Variants in ZCCHC2 observed in about 807,000 individuals in gnomAD.
ZCCHC2 encodes zinc finger CCHC domain-containing protein 2.
A neutral mutation model predicts 103.6 loss-of-function variants in ZCCHC2; 39 were observed. That is an observed-to-expected ratio of 0.38 (90% CI 0.29 to 0.49). ZCCHC2 has a LOEUF of 0.49. Ranked by LOEUF, ZCCHC2 falls within the 20% of genes least tolerant of loss-of-function variation. ZCCHC2 has a pLI of 0.96. For missense variants in ZCCHC2, 1,483 were observed against 1,491.0 expected (o/e 0.99, Z 0.09); for synonymous variants, 687 against 608.9 (o/e 1.13, Z -1.89).
At chr18:62,548,499 C>A (rs1915516099) in intron 4 of ZCCHC2, among the ~76,000 whole-genome samples, 1 of 152,150 alleles carries the variant, frequency 6.6e-6, no homozygotes, top group Non-Finnish European at 1.5e-5. Flanking sequence ...CACTGGTTTT[C>A]TTTGGCTGTG....
chr18:62,529,892 G>A (rs1445114485), intron 1 of ZCCHC2, among the ~76,000 whole-genome samples: 3 of 152,192 alleles, frequency 2.0e-5, no homozygotes, highest in Non-Finnish European at 4.4e-5. Context: ...TATTGCACGT[G>A]TACTGAACAC....
rs1468311197 is a variant in ZCCHC2, at chr18:62,578,547, C to A, written c.*1968C>A. The A allele has an allele frequency of 6.6e-6, 1 of 152,424 alleles. No individual in the cohort carries two copies. Among genetic ancestry groups the A allele is most frequent in the South Asian group, 2.1e-4 (1 of 4,826 alleles). 9.4% of individuals were successfully genotyped at this position (152,424 alleles called of 1,614,324 possible). ...ATTGGATTTTATGCAACCTTTTTTC[C>A]TTGAATTAACAGCAATAAAAAAATG... On this transcript the variant is annotated 3_prime_UTR_variant, in exon 14 of 14. Transcript: ENST00000269499.
At chr18:62,557,242 C>T (rs1915924367) in intron 6 of ZCCHC2, among the ~76,000 whole-genome samples, 1 of 152,168 alleles carries the variant, frequency 6.6e-6, no homozygotes, top group Non-Finnish European at 1.5e-5. Context: ...AATATTTTGT[C>T]AGTAACATTG....
At chr18:62,580,029 CCTT>C (rs1424452564), downstream of ZCCHC2, among the ~76,000 whole-genome samples, 1 of 152,218 alleles carries the variant, frequency 6.6e-6, no homozygotes, top group Admixed American at 6.5e-5. Flanking sequence ...CTGCGCCCGG[CCTT>C]CTGTTACTCT....
At chr18:62,536,552 T>C (rs1224875299) in intron 1 of ZCCHC2, among the ~76,000 whole-genome samples, 2 of 152,184 alleles carry the variant, frequency 1.3e-5, no homozygotes. Context: ...TCAGATTTTA[T>C]GCTACCCATC....
rs536458029 is a variant in ZCCHC2, at chr18:62,542,644, G to A, written c.1128+70G>A. The A allele has an allele frequency of 2.9e-5, 39 of 1,359,792 alleles. No individual in the cohort carries two copies. In the South Asian group the frequency reaches 4.4e-4, roughly 15 times the overall value. 84.2% of individuals were successfully genotyped at this position (1,359,792 alleles called of 1,614,324 possible). ...ATGATCTTTGGGAAAACTTGTGGCAGGTTTGCTAATTTAAGGGAAAAGGTA... is the reference window on the plus strand; with the variant it reads ...ATGATCTTTGGGAAAACTTGTGGCAAGTTTGCTAATTTAAGGGAAAAGGTA... On this transcript the variant is annotated intron_variant, in intron 3 of 13. Coordinates refer to ENST00000269499, the MANE Select transcript of ZCCHC2 (RefSeq NM_017742.6).
intron 1 of ZCCHC2, among the ~76,000 whole-genome samples, chr18:62,527,141 T>C (rs957191824): frequency 6.6e-6 from 1 of 151,960 alleles, no homozygotes; most frequent in African/African-American, 2.4e-5. Context: ...AGCCTTACTA[T>C]TGGTTAACGT....
chr18:62,570,881 A>G (rs1916572713), intron 12 of ZCCHC2, among the ~76,000 whole-genome samples: 1 of 152,130 alleles, frequency 6.6e-6, no homozygotes, highest in African/African-American at 2.4e-5. Context: ...TTCTCTGTGT[A>G]TTATGTCTTC....
At chr18:62,580,212 A>T (rs1181121092), downstream of ZCCHC2, among the ~76,000 whole-genome samples, 1 of 152,012 alleles carries the variant, frequency 6.6e-6, no homozygotes, top group Admixed American at 6.5e-5. Context: ...TCCCTACCTT[A>T]TGATAGTCTC....
intron 4 of ZCCHC2, among the ~76,000 whole-genome samples, chr18:62,545,822 G>A (rs1915384436): frequency 6.6e-6 from 1 of 152,190 alleles, no homozygotes; most frequent in African/African-American, 2.4e-5. Context: ...TAGGTTGTCT[G>A]CTTGTCACCA....
intron 12 of ZCCHC2, among the ~76,000 whole-genome samples, chr18:62,571,007 A>G (rs539162096): frequency 6.6e-6 from 1 of 152,344 alleles, no homozygotes; most frequent in South Asian, 2.1e-4. Context: ...TTAGGTTCCC[A>G]GGAATATATT....
At chr18:62,561,908 A>G (rs1314936222) in intron 8 of ZCCHC2, among the ~76,000 whole-genome samples, 5 of 152,106 alleles carry the variant, frequency 3.3e-5, no homozygotes, top group Admixed American at 6.5e-5. Flanking sequence ...TTCTTCAAAT[A>G]TTTCTTCTCC....
intron 8 of ZCCHC2, among the ~76,000 whole-genome samples, chr18:62,562,714 G>A (rs1598956870): frequency 6.6e-6 from 1 of 152,176 alleles, no homozygotes; most frequent in Non-Finnish European, 1.5e-5. Context: ...TCAAGATGCA[G>A]GTTGTATAAG....
chr18:62,562,860 A>G, intron 8 of ZCCHC2, 149 bp from the exon 9 acceptor site: 1 of 792,136 alleles, frequency 1.3e-6, no homozygotes, highest in African/African-American at 1.7e-5. Context: ...TATTTCTCAT[A>G]GTATACTTTT....
intron 1 of ZCCHC2, among the ~76,000 whole-genome samples, chr18:62,538,973 T>G (rs146153200): frequency 3.6e-5 from 5 of 139,060 alleles, no homozygotes; most frequent in African/African-American, 5.2e-5. Context: ...AATAAAAAAC[T>G]GTCATAAGGC....
chr18:62,531,716 G>A (rs1207416354), intron 1 of ZCCHC2, among the ~76,000 whole-genome samples: 1 of 151,830 alleles, frequency 6.6e-6, no homozygotes, highest in Admixed American at 6.6e-5. Flanking sequence ...GGAGGCTGAG[G>A]CAGAGGGATC....
At chr18:62,568,418 G>T (rs1247831833) in intron 11 of ZCCHC2, among the ~76,000 whole-genome samples, 1 of 151,980 alleles carries the variant, frequency 6.6e-6, no homozygotes, top group South Asian at 2.1e-4. Flanking sequence ...AAGTTCTTAA[G>T]GTACCACACA....
At chr18:62,541,072 G>A (rs1251524966) in intron 2 of ZCCHC2, among the ~76,000 whole-genome samples, 1 of 152,178 alleles carries the variant, frequency 6.6e-6, no homozygotes, top group East Asian at 1.9e-4. Context: ...TATAAGATTA[G>A]TTCAGAAGAT....
At chr18:62,538,576 G>A (rs1915034817) in intron 1 of ZCCHC2, among the ~76,000 whole-genome samples, 1 of 152,186 alleles carries the variant, frequency 6.6e-6, no homozygotes. Flanking sequence ...GTTGGATGTT[G>A]ACTGAAGAGG....
Sources: allele counts gnomAD v4.1 joint callset (sites outside exome capture counted in the v4.1 genomes callset), GRCh38; gene constraint gnomAD v4.1.1; transcripts MANE v1.5; gene names NCBI Gene and HGNC (gene_info 2026-07-23, HGNC 2026-07-21).